Variants in SHANK2 observed in about 807,000 individuals in gnomAD.
SHANK2 encodes the protein SH3 and multiple ankyrin repeat domains protein 2.
SHANK2 carries 43 observed loss-of-function variants against 133.7 expected under a neutral mutation model. The ratio of observed to expected loss-of-function variants is 0.32; its 90% CI spans 0.25 to 0.41. The LOEUF is 0.41. SHANK2 is among the 10% of genes least tolerant of loss of function. The probability of loss-of-function intolerance (pLI) is 1.00; values close to 1 mark genes in which losing one functional copy is unlikely to be tolerated. For missense variants in SHANK2, 1,994 were observed against 2,235.8 expected, an observed-to-expected ratio of 0.89 and a Z score of 2.18; for synonymous variants, 1,017 against 952.8, an observed-to-expected ratio of 1.07 and a Z score of -1.24.
intron 2 of SHANK2, among the ~76,000 whole-genome samples, chr11:71,208,091 G>A (rs1318933889): frequency 6.6e-6 from 1 of 152,160 alleles, no homozygotes; most frequent in Non-Finnish European, 1.5e-5. Context: ...CAGCTGCCCT[G>A]AACATCCAAC....
intron 22 of SHANK2, among the ~76,000 whole-genome samples, chr11:70,491,801 C>G (rs567419151): frequency 6.6e-6 from 1 of 152,348 alleles, no homozygotes; most frequent in Non-Finnish European, 1.5e-5. Flanking sequence ...TCCTGACTGC[C>G]TAGGGAAGGT....
At chr11:70,808,417 G>A (rs1384017945) in intron 12 of SHANK2, among the ~76,000 whole-genome samples, 1 of 151,856 alleles carries the variant, frequency 6.6e-6, no homozygotes, top group African/African-American at 2.4e-5. Flanking sequence ...CACCAGGATG[G>A]TCTCAAAGTT....
chr11:70,610,377 T>C (rs1554993835), intron 17 of SHANK2, among the ~76,000 whole-genome samples: 2 of 151,938 alleles, frequency 1.3e-5, no homozygotes, highest in African/African-American at 4.8e-5. Context: ...TATTGCCTGG[T>C]TTTATGAGTC....
intron 11 of SHANK2, among the ~76,000 whole-genome samples, chr11:70,823,077 T>C (rs368657041): frequency 8.2e-5 from 5 of 61,040 alleles, no homozygotes; most frequent in African/African-American, 3.1e-4. Context: ...CTGGCAGAGC[T>C]CACGGGGGAC....
chr11:71,134,068 GGT>G (rs1194064925), intron 3 of SHANK2, among the ~76,000 whole-genome samples: 14 of 151,728 alleles, frequency 9.2e-5, no homozygotes, highest in African/African-American at 2.9e-4. Context: ...TACCTTTCTC[GGT>G]GGACTGGGTG....
rs1257068810 is a variant in SHANK2 at position 71,089,441 on chromosome 11, G to A, written c.912+2981C>T. The stretch of plus-strand genomic sequence containing the variant: ...TGTGGACCTGTATGTACATGCGTGC[G>A]TGCGAGTGTGTGTGTGTGTGTAATT... On this transcript the variant is annotated intron_variant, in intron 8 of 25. Coordinates refer to ENST00000601538, the MANE Select transcript of SHANK2 (RefSeq NM_012309.5). Among the ~76,000 whole-genome samples the A allele has an allele frequency of 3.3e-4, 50 of 151,478 alleles. 1 individual carries two copies. Among genetic ancestry groups the A allele is most frequent in the Admixed American group, 2.8e-3 (43 of 15,276 alleles).
At chr11:70,545,233 G>A (rs781887484) in intron 17 of SHANK2, among the ~76,000 whole-genome samples, 21 of 152,244 alleles carry the variant, frequency 1.4e-4, no homozygotes, top group Non-Finnish European at 2.9e-4. Flanking sequence ...CCGGCTGGCC[G>A]GAGGCAGCGT....
In SHANK2 at chr11:70,487,176, C is replaced by A. The variant is rs201156615; in HGVS notation, c.3117G>T (p.Pro1039=). The part of the protein sequence containing the change: ...IPIPTIIVKE[P]STSSSGKSSQ... ...TGCTCTTGCCGCTGCTGCTGGTGGA[C>A]GGCTCCTTCACGATGATGGTCGGGA... The change falls in exon 25 of 26, where the codon CCG becomes CCT. Residue 1039 remains proline, a synonymous_variant. Coordinates refer to ENST00000601538, the MANE Select transcript of SHANK2 (RefSeq NM_012309.5). This position sits in a 1 kb window ranked among gnomAD's most constrained non-coding sequence, Gnocchi z 5.8. 4.8e-5 allele frequency: 77 copies of A among 1,613,266 alleles called. No individual in the cohort carries two copies. Among genetic ancestry groups the A allele is most frequent in the Non-Finnish European group, 5.9e-5 (70 of 1,180,022 alleles).
chr11:70,663,676 C>T (rs1555014112), intron 15 of SHANK2, among the ~76,000 whole-genome samples: 1 of 152,172 alleles, frequency 6.6e-6, no homozygotes, highest in African/African-American at 2.4e-5. Flanking sequence ...ACCTTCCTTA[C>T]CTTGCCCCCT....
chr11:70,526,636 G>A (rs559131441), intron 17 of SHANK2, among the ~76,000 whole-genome samples: 5 of 152,306 alleles, frequency 3.3e-5, no homozygotes, highest in South Asian at 2.1e-4. Flanking sequence ...GCCTGCTTCC[G>A]GCTTTGGCCA....
At chr11:70,763,769 A>G (rs1947046351) in intron 14 of SHANK2, among the ~76,000 whole-genome samples, 1 of 152,130 alleles carries the variant, frequency 6.6e-6, no homozygotes, top group Admixed American at 6.5e-5. Context: ...CCCTAGAACC[A>G]CACCCAGGGA....
At chr11:71,118,708 G>A (rs367605596) in intron 4 of SHANK2, 121 bp downstream of exon 4, 3 of 869,712 alleles carry the variant, frequency 3.4e-6, no homozygotes, top group Non-Finnish European at 1.7e-6. Context: ...ATTTTTAAAT[G>A]TGGGGATAAT....
At chr11:70,564,790 G>A (rs183831370) in intron 17 of SHANK2, among the ~76,000 whole-genome samples, 20 of 152,018 alleles carry the variant, frequency 1.3e-4, no homozygotes, top group Admixed American at 3.9e-4. Context: ...CTGTGTATCC[G>A]TCATCTCAGA....
intron 13 of SHANK2, among the ~76,000 whole-genome samples, chr11:70,805,926 T>C (rs894603949): frequency 8.5e-5 from 13 of 152,246 alleles, no homozygotes; most frequent in African/African-American, 2.9e-4. Flanking sequence ...GGGACTTGTT[T>C]GATGCTATCA....
intron 13 of SHANK2, among the ~76,000 whole-genome samples, chr11:70,801,236 A>C (rs1948037901): frequency 6.6e-6 from 1 of 152,198 alleles, no homozygotes; most frequent in South Asian, 2.1e-4. Context: ...TGTTATTGTT[A>C]TTACAAGACC....
chr11:70,809,470 G>A (rs530638922), intron 12 of SHANK2, among the ~76,000 whole-genome samples: 11 of 152,114 alleles, frequency 7.2e-5, no homozygotes, highest in Admixed American at 1.3e-4. Context: ...GTAATCACCC[G>A]ACTCATGTGT....
At chr11:71,165,146 G>C (rs1209317390) in intron 2 of SHANK2, among the ~76,000 whole-genome samples, 4 of 150,656 alleles carry the variant, frequency 2.7e-5, no homozygotes, top group Non-Finnish European at 4.4e-5. Context: ...TGATTCTCTT[G>C]TCTCAGCCTC....
At chr11:70,867,568 C>T (rs1350459244) in intron 11 of SHANK2, among the ~76,000 whole-genome samples, 1 of 152,234 alleles carries the variant, frequency 6.6e-6, no homozygotes, top group African/African-American at 2.4e-5. Context: ...AAAAGTCTGC[C>T]CAGGCCACCG....
rs145450671 is a variant in SHANK2, at chr11:70,668,807, C to T, written c.1854-7129G>A. The T allele has an allele frequency of 8.6e-3, 1,308 of 152,420 alleles. 22 individuals carry two copies. The highest frequency in any genetic ancestry group is 0.03 in the African/African-American group (1,243 of 41,550). 9.4% of individuals were successfully genotyped at this position (152,420 alleles called of 1,614,324 possible). On this transcript the variant is annotated intron_variant, in intron 15 of 25. Coordinates refer to ENST00000601538, the MANE Select transcript of SHANK2 (RefSeq NM_012309.5). ...AGAGTGGGGTTGGAAGGTAGGCAGC[C>T]GGCCCTGATGTCTGAAGGGCCGTGA...
Sources: gnomAD v4.1 joint callset for allele counts (sites outside exome capture counted in the v4.1 genomes callset) on GRCh38, gnomAD v4.1.1 for gene constraint, Gnocchi (gnomAD v3.1) non-coding constraint, MANE v1.5 for transcripts, NCBI Gene and HGNC (gene_info 2026-07-23, HGNC 2026-07-21) for gene names.